Variants in PI4KA observed in about 807,000 individuals in gnomAD.
PI4KA encodes PI4-kinase alpha.
A neutral mutation model predicts 271.4 loss-of-function variants in PI4KA; 122 were observed. The observed-to-expected ratio is 0.45, with a 90% CI of 0.39 to 0.52. The LOEUF is 0.52. Ranked by LOEUF, PI4KA falls within the 20% of genes least tolerant of loss-of-function variation. The pLI, the probability that PI4KA is intolerant of heterozygous loss-of-function variation, is 0.00. For missense variants in PI4KA, 1,969 were observed against 2,769.1 expected, an observed-to-expected ratio of 0.71 and a Z score of 6.48; for synonymous variants, 1,041 against 1,078.8, an observed-to-expected ratio of 0.96 and a Z score of 0.69.
At position 20,744,608 on chromosome 22, in the gene PI4KA, C is replaced by T. The variant is rs780707557; in HGVS notation, c.3456+20G>A. 7.5e-6 allele frequency: 12 copies of T among 1,595,612 alleles called. No homozygotes were observed. The highest frequency in any genetic ancestry group is 5.4e-5 in the African/African-American group (4 of 74,630). On this transcript the variant is annotated intron_variant, in intron 30 of 54. Coordinates refer to ENST00000255882, the MANE Select transcript of PI4KA (RefSeq NM_058004.4). ...AGAGGACACGTTAAAGGCCCTAGGG[C>T]GCAAGGACAAGAGAAGCACCTCGCC...
chr22:20,797,048 T>A (rs914847044), intron 17 of PI4KA, among the ~76,000 whole-genome samples: 1 of 152,170 alleles, frequency 6.6e-6, no homozygotes, highest in Non-Finnish European at 1.5e-5. Context: ...TGATAATTTC[T>A]CTTCGTAGGA....
At chr22:20,732,475 T>TGA (rs1928194047) in intron 36 of PI4KA, among the ~76,000 whole-genome samples, 1 of 152,222 alleles carries the variant, frequency 6.6e-6, no homozygotes, top group African/African-American at 2.4e-5. Flanking sequence ...GGTGCAGCCA[T>TGA]TCAGACTCAG....
At chr22:20,844,501 C>T (rs1030615550) in intron 1 of PI4KA, among the ~76,000 whole-genome samples, 1 of 152,136 alleles carries the variant, frequency 6.6e-6, no homozygotes, top group Non-Finnish European at 1.5e-5. Context: ...CCCTCATGAG[C>T]GTTACAATCC....
At chr22:20,751,878 G>C in intron 25 of PI4KA, 123 bp from the exon 26 acceptor site, 3 of 792,344 alleles carry the variant, frequency 3.8e-6, no homozygotes, top group Middle Eastern at 2.3e-4. Flanking sequence ...GGAGGAGGTC[G>C]GGAGGCCCTT....
At chr22:20,779,462 G>T (rs1933572160) in intron 19 of PI4KA, 1 of 1,614,152 alleles carries the variant, frequency 6.2e-7, no homozygotes, top group African/African-American at 1.3e-5. Flanking sequence ...ACAAAAACCT[G>T]AGCATGCCTC....
chr22:20,739,045 A>C lies in PI4KA; in HGVS notation c.3741+3183T>G, dbSNP rs1429546798. Reference sequence around the variant, plus strand: ...GTCAGGAGACTCAGTCACAAAAAAAAAAAAAAAAAAAAGCAACTGGCTGGG... The same window carrying C: ...GTCAGGAGACTCAGTCACAAAAAAACAAAAAAAAAAAAGCAACTGGCTGGG... On this transcript the variant is annotated intron_variant, in intron 32 of 54. Transcript: ENST00000255882. 1.9e-3 allele frequency among the ~76,000 whole-genome samples: 276 copies of C among 148,244 alleles called. 1 individual carries two copies. The highest frequency in any genetic ancestry group is 6.8e-3 in the African/African-American group (274 of 40,118).
intron 3 of PI4KA, among the ~76,000 whole-genome samples, chr22:20,833,691 C>T (rs1482006965): frequency 7.3e-6 from 1 of 136,640 alleles, no homozygotes; most frequent in African/African-American, 2.8e-5. Context: ...GACGGAGTCT[C>T]GTGCTGTCGC....
rs1448834841 is a variant in PI4KA at position 20,729,614 on chromosome 22, T to C, written c.4488+18A>G. ...GCAGGTGGCGGGCAGCAGGCACAGC[T>C]GCACCTGTGGGCCTTACCAGCAGGG... On this transcript the variant is annotated intron_variant, in intron 38 of 54. Coordinates refer to ENST00000255882, the MANE Select transcript of PI4KA (RefSeq NM_058004.4). 6.4e-7 allele frequency: 1 copy of C among 1,559,922 alleles called. No individual in the cohort carries two copies. The highest frequency in any genetic ancestry group is 8.7e-7 in the Non-Finnish European group (1 of 1,151,038).
chr22:20,732,204 TA>T (rs934083454), intron 36 of PI4KA, among the ~76,000 whole-genome samples: 3 of 150,896 alleles, frequency 2.0e-5, no homozygotes, highest in African/African-American at 4.9e-5. Flanking sequence ...AATTAAAAAA[TA>T]AAAATAAATA....
At chr22:20,711,647 G>A (rs1418959047) in intron 50 of PI4KA, among the ~76,000 whole-genome samples, 186 bp from the exon 51 acceptor site, 1 of 152,158 alleles carries the variant, frequency 6.6e-6, no homozygotes, top group Non-Finnish European at 1.5e-5. Context: ...CTGTGGAAGT[G>A]GGCGTGCAGG....
At position 20,791,871 on chromosome 22, in the gene PI4KA, C is replaced by T. The variant is rs144034180; in HGVS notation, c.2328+1322G>A. On this transcript the variant is annotated intron_variant, in intron 19 of 54. Coordinates refer to ENST00000255882, the MANE Select transcript of PI4KA (RefSeq NM_058004.4). ...ATACCAGCACTTTGGGAGGCCAAGGCGGGTGGATCACTTGAGGCCAGGAGT... is the reference window on the plus strand; with the variant it reads ...ATACCAGCACTTTGGGAGGCCAAGGTGGGTGGATCACTTGAGGCCAGGAGT... Among the ~76,000 whole-genome samples, 955 of 152,196 alleles carry T rather than the reference C, an allele frequency of 6.3e-3. 9 individuals are homozygous for T. Among genetic ancestry groups the T allele is most frequent in the African/African-American group, 0.021 (873 of 41,516 alleles).
rs375020432 is a variant in PI4KA, at chr22:20,792,313, T to C, written c.2328+880A>G. ...GGTGTGAGCAGGGGAACGACTTCAA[T>C]GAGACCAGGAGAGGTGCCTCTCTGT... On this transcript the variant is annotated intron_variant, in intron 19 of 54. Transcript: ENST00000255882. 1.1e-4 allele frequency among the ~76,000 whole-genome samples: 16 copies of C among 152,288 alleles called. No individual in the cohort carries two copies. In the South Asian group the frequency reaches 2.9e-3, roughly 28 times the overall value.
Position 20,726,956 on chromosome 22 carries a change from G to A in PI4KA, c.4941+274C>T, listed in dbSNP as rs575174943. Among the ~76,000 whole-genome samples the A allele has an allele frequency of 1.8e-4, 28 of 152,272 alleles. No homozygotes were observed. In the South Asian group the frequency reaches 5.6e-3, roughly 30 times the overall value. On this transcript the variant is annotated intron_variant, in intron 41 of 54. Coordinates refer to ENST00000255882, the MANE Select transcript of PI4KA (RefSeq NM_058004.4). ...AGCTAGCTGCACTGCTGTGTGGGGT[G>A]TGCACAGCTGCCGCGCCGCCTCGTA... is the stretch of plus-strand genomic sequence containing the variant.
chr22:20,746,059 G>A (rs796580966), intron 29 of PI4KA, among the ~76,000 whole-genome samples: 45 of 91,226 alleles, frequency 4.9e-4, no homozygotes, highest in Middle Eastern at 0.013. Context: ...AAAAAAAAAA[G>A]AATTTTTTTT....
chr22:20,764,712 T>C (rs1337342331), intron 22 of PI4KA, 105 bp downstream of exon 22: 2 of 1,248,280 alleles, frequency 1.6e-6, no homozygotes, highest in East Asian at 2.6e-5. Flanking sequence ...AAAGTTTGCA[T>C]GTCTTGGGAG....
intron 3 of PI4KA, among the ~76,000 whole-genome samples, chr22:20,831,072 C>T (rs1924101453): frequency 6.6e-6 from 1 of 151,992 alleles, no homozygotes; most frequent in African/African-American, 2.4e-5. Flanking sequence ...TGTGCCCAGC[C>T]CTTAGGTGTG....
chr22:20,847,981 T>A (rs1235263747), intron 1 of PI4KA, among the ~76,000 whole-genome samples: 2 of 152,152 alleles, frequency 1.3e-5, no homozygotes, highest in African/African-American at 4.8e-5. Flanking sequence ...CTCACGCCTA[T>A]AATCCCAGAA....
intron 19 of PI4KA, among the ~76,000 whole-genome samples, chr22:20,772,279 G>A (rs1471370917): frequency 6.6e-6 from 1 of 152,198 alleles, no homozygotes. Context: ...TGAGAGCAGC[G>A]GCCACCTGCT....
rs374067722 is a variant in PI4KA, at chr22:20,811,051, C to T, written c.1006-19G>A. ...TCTTCACCTACCAAGGAAACAGAAC[C>T]TCATGAAGCAACTGACATACACAGA... On this transcript the variant is annotated intron_variant, in intron 8 of 54. Transcript: ENST00000255882. 275 of 1,594,984 alleles carry T rather than the reference C, an allele frequency of 1.7e-4. No homozygotes were observed. The highest frequency in any genetic ancestry group is 2.3e-4 in the Non-Finnish European group (270 of 1,162,608).
Sources: allele counts gnomAD v4.1 joint callset (sites outside exome capture counted in the v4.1 genomes callset), GRCh38; gene constraint gnomAD v4.1.1; transcripts MANE v1.5; gene names NCBI Gene and HGNC (gene_info 2026-07-23, HGNC 2026-07-21).